The following ARSG variants were observed in gnomAD, a reference collection of about 807,000 sequenced individuals.
The protein encoded by ARSG is arylsulfatase G, also known as ASG.
Under a neutral mutation model 50.5 loss-of-function variants are expected in ARSG, and 37 were observed. The observed-to-expected ratio is 0.73, with a 90% CI of 0.56 to 0.96. The LOEUF (loss-of-function observed/expected upper bound fraction) is 0.96. ARSG is among the 50% of genes least tolerant of loss of function. The pLI is 0.00. For synonymous variants in ARSG, 225 were observed against 254.6 expected, an observed-to-expected ratio of 0.88 and a Z score of 1.11; for missense variants, 629 against 675.3, an observed-to-expected ratio of 0.93 and a Z score of 0.76.
chr17:68,433,552 A>G, the ARSG span: 4 of 1,613,868 alleles, frequency 2.5e-6, no homozygotes, highest in African/African-American at 2.7e-5. Flanking sequence ...CATACTGAAC[A>G]CTAGAGAGCT....
chr17:68,287,951 CTT>C (rs2075878951), upstream of ARSG, among the ~76,000 whole-genome samples: 1 of 147,910 alleles, frequency 6.8e-6, no homozygotes, highest in Non-Finnish European at 1.5e-5. Flanking sequence ...TTCTCTCTCT[CTT>C]TCTCTCTCTC....
At chr17:68,372,245 T>C (rs1269872678) in intron 8 of ARSG, among the ~76,000 whole-genome samples, 1 of 152,214 alleles carries the variant, frequency 6.6e-6, no homozygotes, top group Non-Finnish European at 1.5e-5. Context: ...TCTGTCTGTC[T>C]GTCTGCCAGT....
At chr17:68,339,290 T>G (rs1338165224) in intron 2 of ARSG, among the ~76,000 whole-genome samples, 1 of 151,916 alleles carries the variant, frequency 6.6e-6, no homozygotes, top group Non-Finnish European at 1.5e-5. Context: ...AGAGCGAGAC[T>G]GTATCTCAAA....
At chr17:68,291,919 T>A (rs1024145364) in intron 1 of ARSG, among the ~76,000 whole-genome samples, 12 of 151,808 alleles carry the variant, frequency 7.9e-5, no homozygotes, top group Admixed American at 3.9e-4. Flanking sequence ...CGCTCGCGGC[T>A]GCGGCGGCTT....
In ARSG at chr17:68,272,807, A is replaced by G. The variant is rs962202525; in HGVS notation, c.-552+13381A>G. 3.7e-6 allele frequency: 6 copies of G among 1,609,444 alleles called. No individual in the cohort carries two copies. The South Asian group carries it at 6.6e-5, about 18-fold the overall frequency. On this transcript the variant is annotated intron_variant, in intron 1 of 11. Coordinates refer to the ARSG transcript ENST00000448504. ...TCAAAAAAGCCAATGAGACCCACATACTGCTTGAGACTGGAAGGATGCATT... is the reference window on the plus strand; with the variant it reads ...TCAAAAAAGCCAATGAGACCCACATGCTGCTTGAGACTGGAAGGATGCATT...
At chr17:68,302,178 G>A (rs1192596321) in intron 1 of ARSG, among the ~76,000 whole-genome samples, 1 of 152,154 alleles carries the variant, frequency 6.6e-6, no homozygotes, top group Non-Finnish European at 1.5e-5. Context: ...GTGAGCAGCT[G>A]ATGCCCAAGG....
At chr17:68,442,743 C>T in the ARSG span, among the ~76,000 whole-genome samples, 1 of 152,304 alleles carries the variant, frequency 6.6e-6, no homozygotes, top group East Asian at 1.9e-4. Flanking sequence ...ATCAGAAGAG[C>T]ACATGCTCCC....
intron 1 of ARSG, chr17:68,273,841 T>A: frequency 6.9e-7 from 1 of 1,455,476 alleles, no homozygotes; most frequent in South Asian, 1.2e-5. Flanking sequence ...GAAAGAAATA[T>A]AGTTTGGCTT....
the ARSG span, among the ~76,000 whole-genome samples, chr17:68,437,359 G>A: frequency 3.3e-5 from 5 of 151,828 alleles, no homozygotes; most frequent in African/African-American, 4.8e-5. Flanking sequence ...GTTCGAGATC[G>A]GGCTGGCCAA....
At chr17:68,413,115 T>C (rs2147398799) in intron 11 of ARSG, among the ~76,000 whole-genome samples, 1 of 152,202 alleles carries the variant, frequency 6.6e-6, no homozygotes, top group South Asian at 2.1e-4. Flanking sequence ...CCTTCTTCTC[T>C]CAGCTCGTCA....
intron 11 of ARSG, among the ~76,000 whole-genome samples, chr17:68,413,429 G>A (rs569453978): frequency 1.3e-5 from 2 of 152,336 alleles, no homozygotes; most frequent in African/African-American, 4.8e-5. Context: ...CAGTTAGGCT[G>A]CTCGGGGGTC....
At chr17:68,385,594 G>A (rs1218000710) in intron 9 of ARSG, among the ~76,000 whole-genome samples, 1 of 149,634 alleles carries the variant, frequency 6.7e-6, no homozygotes, top group East Asian at 2.0e-4. Flanking sequence ...AGGGGAGGGA[G>A]AAACAGTGAA....
At chr17:68,385,613 C>T (rs975193750) in intron 9 of ARSG, among the ~76,000 whole-genome samples, 2 of 150,936 alleles carry the variant, frequency 1.3e-5, no homozygotes, top group African/African-American at 2.4e-5. Flanking sequence ...AAGTGGGACT[C>T]GAGCCATCTT....
At chr17:68,387,267 T>C (rs983990164) in intron 9 of ARSG, among the ~76,000 whole-genome samples, 7 of 152,094 alleles carry the variant, frequency 4.6e-5, no homozygotes, top group African/African-American at 1.7e-4. Flanking sequence ...TAGCTGGGAC[T>C]ACAGGCATGC....
chr17:68,322,036 A>G (rs532201191), intron 2 of ARSG, among the ~76,000 whole-genome samples: 2 of 152,220 alleles, frequency 1.3e-5, no homozygotes, highest in Non-Finnish European at 2.9e-5. Flanking sequence ...TCTCCAAAGA[A>G]TTGCAAATAA....
chr17:68,425,510 C>T (rs558770003), downstream of ARSG, among the ~76,000 whole-genome samples: 10 of 151,848 alleles, frequency 6.6e-5, no homozygotes, highest in East Asian at 1.9e-4. Context: ...TGTGAGCCAC[C>T]GCACCCGGCC....
intron 2 of ARSG, among the ~76,000 whole-genome samples, chr17:68,312,695 G>C (rs7212967): frequency 0.69 from 104,784 of 151,920 alleles, 38,771 homozygotes; most frequent in Non-Finnish European, 0.83. Flanking sequence ...GCCTGAGGTC[G>C]ACGGCTTTTC....
rs1475896228 is a variant in ARSG at position 68,378,716 on chromosome 17, C to T, written c.983-6348C>T. On this transcript the variant is annotated intron_variant, in intron 8 of 11. Transcript: ENST00000621439. This position sits in a 1 kb window ranked among gnomAD's most constrained non-coding sequence, Gnocchi z 4.4. Reference sequence around the variant, plus strand: ...AACACCTTGTTTTTCCCCTAACTGACTGCTCCTCTGTCTGGAAAATCTTTT... The same window carrying T: ...AACACCTTGTTTTTCCCCTAACTGATTGCTCCTCTGTCTGGAAAATCTTTT... Among the ~76,000 whole-genome samples, 1 of 152,228 alleles carries T rather than the reference C, an allele frequency of 6.6e-6. No homozygotes were observed. Among genetic ancestry groups the T allele is most frequent in the Non-Finnish European group, 1.5e-5 (1 of 68,050 alleles).
chr17:68,444,409 C>A, the ARSG span: 1 of 1,298,980 alleles, frequency 7.7e-7, no homozygotes, highest in South Asian at 1.3e-5. Flanking sequence ...GCTTCACGTT[C>A]GCAATTTGGA....
Sources: allele counts gnomAD v4.1 joint callset (sites outside exome capture counted in the v4.1 genomes callset), GRCh38; gene constraint gnomAD v4.1.1; non-coding constraint Gnocchi (gnomAD v3.1); transcripts MANE v1.5; gene names NCBI Gene and HGNC (gene_info 2026-07-23, HGNC 2026-07-21).